NEU3: variants seen among roughly 807,000 people sequenced by gnomAD.
NEU3 encodes the protein neuraminidase 3.
In NEU3, 10 loss-of-function variants were observed where a neutral mutation model predicts 11.4. The ratio of observed to expected loss-of-function variants is 0.88; its 90% CI spans 0.54 to 1.49. The LOEUF (loss-of-function observed/expected upper bound fraction) is 1.49. Among genes scored for constraint, NEU3 ranks in the 40% most tolerant of loss-of-function variants. NEU3 has a pLI of 0.00. For missense variants in NEU3, 529 were observed against 581.8 expected, an observed-to-expected ratio of 0.91 and a Z score of 0.93; for synonymous variants, 212 against 228.2, an observed-to-expected ratio of 0.93 and a Z score of 0.64.
In NEU3 at chr11:75,005,533, C is replaced by T. The variant is rs746004555; in HGVS notation, c.427C>T (p.His143Tyr). Residue 143 changes from histidine to tyrosine, a missense_variant, in exon 3 of 3, where the codon CAT becomes TAT. His to Tyr is a moderately conservative substitution (Grantham distance 83). Transcript: ENST00000294064. ...VFLFFICVRG[H>Y]VTERQQIVSG... ...CCTGTTCTTCATCTGTGTGCGGGGC[C>T]ATGTCACAGAGCGTCAACAGATTGT... 6.2e-7 allele frequency: 1 copy of T among 1,613,952 alleles called. No homozygotes were observed. The highest frequency in any genetic ancestry group is 8.5e-7 in the Non-Finnish European group (1 of 1,179,884).
downstream of NEU3, among the ~76,000 whole-genome samples, chr11:75,014,752 C>T (rs1280534634): frequency 6.6e-6 from 1 of 151,952 alleles, no homozygotes; most frequent in African/African-American, 2.4e-5. Flanking sequence ...GTAGTCCCAG[C>T]TACTCGAGAG....
rs563245510 is a variant in NEU3, at chr11:75,007,739, A to T, written c.*1247A>T. 2 of 152,314 alleles carry T rather than the reference A, an allele frequency of 1.3e-5. No individual in the cohort carries two copies. Among genetic ancestry groups the T allele is most frequent in the South Asian group, 4.2e-4 (2 of 4,818 alleles). The allele number at this position is 152,314 out of a possible 1,614,324, so 9.4% of individuals were successfully genotyped here. A position where few individuals can be genotyped will look rare whatever the true frequency, so the allele number is the denominator to read the frequency against. ...ACTTAGTTCATGCTGAGTCTCTCAGATGATACCACGTTGGTTGTTCCTATC... is the reference window on the plus strand; with the variant it reads ...ACTTAGTTCATGCTGAGTCTCTCAGTTGATACCACGTTGGTTGTTCCTATC... On this transcript the variant is annotated 3_prime_UTR_variant, in exon 3 of 3. Coordinates refer to ENST00000294064, the MANE Select transcript of NEU3 (RefSeq NM_006656.6).
At chr11:74,992,370 T>C (rs534674447) in intron 1 of NEU3, among the ~76,000 whole-genome samples, 1 of 152,360 alleles carries the variant, frequency 6.6e-6, no homozygotes, top group South Asian at 2.1e-4. Context: ...CTCTGATCCT[T>C]CTCTGTCTTC....
chr11:74,992,956 G>A (rs113791437), intron 1 of NEU3, among the ~76,000 whole-genome samples: 114 of 151,950 alleles, frequency 7.5e-4, no homozygotes, highest in African/African-American at 2.5e-3. Context: ...GCAAAACTCC[G>A]TCTCAAAAGA....
At chr11:75,013,733 A>G (rs989673796), downstream of NEU3, among the ~76,000 whole-genome samples, 2 of 152,214 alleles carry the variant, frequency 1.3e-5, no homozygotes, top group African/African-American at 4.8e-5. Flanking sequence ...AGTGCCTACT[A>G]TGTACTTTGG....
intron 1 of NEU3, among the ~76,000 whole-genome samples, chr11:74,990,619 C>T (rs1948721372): frequency 1.3e-5 from 2 of 152,150 alleles, no homozygotes; most frequent in Admixed American, 1.3e-4. Context: ...CTCAGCCTCC[C>T]AGAGTGGTGG....
chr11:75,004,385 G>A, intron 2 of NEU3: 2 of 575,350 alleles, frequency 3.5e-6, no homozygotes, highest in South Asian at 2.1e-5. Flanking sequence ...ATTACAGCAT[G>A]AGCCACTGTG....
At chr11:74,999,749 C>G (rs1426100297) in intron 2 of NEU3, among the ~76,000 whole-genome samples, 1 of 152,218 alleles carries the variant, frequency 6.6e-6, no homozygotes, top group African/African-American at 2.4e-5. Context: ...GAGATGATCT[C>G]TACTTCTCTA....
At chr11:74,987,482 A>G (rs1363984580), upstream of NEU3, among the ~76,000 whole-genome samples, 2 of 152,016 alleles carry the variant, frequency 1.3e-5, no homozygotes, top group East Asian at 3.8e-4. Context: ...CATTTTTTTC[A>G]TGGAACCCTG....
upstream of NEU3, chr11:74,988,076 A>G (rs1042919936): frequency 1.3e-5 from 2 of 152,104 alleles, no homozygotes; most frequent in African/African-American, 2.4e-5. Context: ...GAAAAATATC[A>G]CGAATTCAAA....
intron 2 of NEU3, among the ~76,000 whole-genome samples, chr11:74,997,832 C>T (rs1428978857): frequency 6.6e-6 from 1 of 151,140 alleles, no homozygotes; most frequent in African/African-American, 2.4e-5. Flanking sequence ...CACTGCACTC[C>T]AGCCTGGGTG....
At chr11:75,000,793 A>ATTTT (rs2083333753) in intron 2 of NEU3, among the ~76,000 whole-genome samples, 1 of 148,112 alleles carries the variant, frequency 6.8e-6, no homozygotes, top group Admixed American at 6.7e-5. Flanking sequence ...TTATTTATTT[A>ATTTT]TTTATTTATT....
upstream of NEU3, among the ~76,000 whole-genome samples, chr11:74,984,293 C>T (rs192090345): frequency 1.1e-4 from 16 of 152,236 alleles, no homozygotes; most frequent in East Asian, 3.9e-4. Context: ...GAGCAAAGGG[C>T]GCACATGCTC....
At chr11:74,989,464 C>T (rs1412460104) in intron 1 of NEU3, among the ~76,000 whole-genome samples, 1 of 152,140 alleles carries the variant, frequency 6.6e-6, no homozygotes, top group African/African-American at 2.4e-5. Context: ...ACTTAGGAGA[C>T]CTGGGTCTTG....
At chr11:74,988,856 A>G (rs1353848541), upstream of NEU3, 7 of 562,306 alleles carry the variant, frequency 1.2e-5, no homozygotes, top group Non-Finnish European at 2.2e-5. Context: ...CTCGCGGAGT[A>G]GGCCAACGGT....
chr11:75,011,933 C>A (rs1022756608), downstream of NEU3, among the ~76,000 whole-genome samples: 2 of 152,042 alleles, frequency 1.3e-5, no homozygotes, highest in Non-Finnish European at 2.9e-5. Flanking sequence ...TTGGGTGTTA[C>A]AGCTACCTTG....
chr11:74,987,417 G>A (rs765457849), upstream of NEU3, among the ~76,000 whole-genome samples: 14 of 152,012 alleles, frequency 9.2e-5, no homozygotes, highest in Non-Finnish European at 1.5e-4. Flanking sequence ...CTTGCTTTCT[G>A]TTAAGATGTT....
chr11:75,002,918 A>G (rs1327328952), intron 2 of NEU3, among the ~76,000 whole-genome samples: 3 of 152,240 alleles, frequency 2.0e-5, no homozygotes, highest in Admixed American at 6.5e-5. Context: ...ATTGTTACAT[A>G]GTATTCTATC....
In NEU3 at chr11:75,008,121, A is replaced by G. The variant is rs964925217; in HGVS notation, c.*1629A>G. The G allele has an allele frequency of 6.6e-6, 1 of 152,178 alleles. No homozygotes were observed. The highest frequency in any genetic ancestry group is 2.4e-5 in the African/African-American group (1 of 41,438). The allele number at this position is 152,178 out of a possible 1,614,324, so 9.4% of individuals were successfully genotyped here. ...TACACAATTATTCACTCATGTATAC[A>G]TTTATCTAAATATTTCTTGAGTGCC... On this transcript the variant is annotated 3_prime_UTR_variant, in exon 3 of 3. Transcript: ENST00000294064.
Sources: gnomAD v4.1 joint callset for allele counts (sites outside exome capture counted in the v4.1 genomes callset) on GRCh38, gnomAD v4.1.1 for gene constraint, MANE v1.5 for transcripts, NCBI Gene and HGNC (gene_info 2026-07-23, HGNC 2026-07-21) for gene names.